NIPSNAP1: variants seen among roughly 807,000 people sequenced by gnomAD.
The protein encoded by NIPSNAP1 is nipsnap homolog 1.
NIPSNAP1 carries 25 observed loss-of-function variants against 49.2 expected under a neutral mutation model. The observed-to-expected ratio is 0.51, with a 90% CI of 0.37 to 0.71. The LOEUF is 0.71. NIPSNAP1 is among the 30% of genes least tolerant of loss of function. The pLI, the probability that NIPSNAP1 is intolerant of heterozygous loss-of-function variation, is 0.00. For synonymous variants in NIPSNAP1, 143 were observed against 140.7 expected (o/e 1.02, Z -0.12); for missense variants, 294 against 361.0 (o/e 0.81, Z 1.50).
intron 1 of NIPSNAP1, chr22:29,579,623 C>G (rs758890699): frequency 1.2e-5 from 2 of 165,580 alleles, no homozygotes; most frequent in African/African-American, 2.4e-5. Context: ...GAGACAGGAT[C>G]TCGCCGTGTT....
intron 1 of NIPSNAP1, among the ~76,000 whole-genome samples, chr22:29,572,965 G>C (rs1039782720): frequency 6.7e-6 from 1 of 149,462 alleles, no homozygotes; most frequent in Non-Finnish European, 1.5e-5. Flanking sequence ...GGGTGACAGA[G>C]ACCATGTCTC....
intron 1 of NIPSNAP1, among the ~76,000 whole-genome samples, chr22:29,575,149 G>C (rs1465906317): frequency 6.6e-6 from 1 of 152,228 alleles, no homozygotes; most frequent in Non-Finnish European, 1.5e-5. Context: ...GAGATGGGCA[G>C]TGAGGAGAGC....
chr22:29,570,325 C>T (rs1485965222), intron 2 of NIPSNAP1, 80 bp downstream of exon 2: 2 of 1,610,382 alleles, frequency 1.2e-6, no homozygotes, highest in African/African-American at 2.7e-5. Flanking sequence ...ATTCCAGACC[C>T]TCCCATCTCC....
At chr22:29,580,310 C>T (rs779917847) in intron 1 of NIPSNAP1, 3 of 975,824 alleles carry the variant, frequency 3.1e-6, no homozygotes, top group African/African-American at 1.8e-5. Context: ...TCAGGGAGGC[C>T]AAGCCCTAGC....
chr22:29,566,896 G>A (rs1164956795), intron 4 of NIPSNAP1, among the ~76,000 whole-genome samples: 1 of 152,080 alleles, frequency 6.6e-6, no homozygotes, highest in African/African-American at 2.4e-5. Flanking sequence ...GGCTCAGGCG[G>A]GAGGATCATG....
intron 1 of NIPSNAP1, among the ~76,000 whole-genome samples, chr22:29,571,168 A>G (rs1442402795): frequency 6.6e-6 from 1 of 152,138 alleles, no homozygotes; most frequent in Admixed American, 6.6e-5. Flanking sequence ...AGGAGCTCAT[A>G]GTCCACTAGG....
intron 1 of NIPSNAP1, among the ~76,000 whole-genome samples, chr22:29,571,934 TC>T (rs1353419357): frequency 1.3e-5 from 2 of 151,636 alleles, no homozygotes; most frequent in African/African-American, 4.8e-5. Context: ...TACCACCACA[TC>T]CAGGTAATTT....
chr22:29,570,309 G>A, intron 2 of NIPSNAP1, 96 bp downstream of exon 2: 2 of 1,603,946 alleles, frequency 1.2e-6, no homozygotes, highest in Non-Finnish European at 8.5e-7. Context: ...CAGGACAGCT[G>A]AGGACATTCC....
intron 1 of NIPSNAP1, chr22:29,579,723 C>G (rs912887579): frequency 4.7e-6 from 1 of 212,726 alleles, no homozygotes; most frequent in Admixed American, 4.8e-5. Flanking sequence ...CCACCATACC[C>G]GACCAACCAC....
In NIPSNAP1 at chr22:29,570,929, A is replaced by G. The variant is rs116604752; in HGVS notation, c.99-397T>C. ...CCAAAGCCCTTGACAACCCAACCTA[A>G]CTTGTCAGCCTCCCCTCCTGCCCCC... On this transcript the variant is annotated intron_variant, in intron 1 of 9. Transcript: ENST00000216121. 8.6e-3 allele frequency among the ~76,000 whole-genome samples: 1,299 copies of G among 151,360 alleles called. 15 individuals carry two copies. Among genetic ancestry groups the G allele is most frequent in the African/African-American group, 0.03 (1,250 of 41,288 alleles).
chr22:29,561,718 G>A (rs1287378323), intron 5 of NIPSNAP1, 72 bp from the exon 6 acceptor site: 2 of 1,613,408 alleles, frequency 1.2e-6, no homozygotes, highest in East Asian at 4.5e-5. Flanking sequence ...TCATGGGGTA[G>A]CAGAGTAGTC....
intron 1 of NIPSNAP1, among the ~76,000 whole-genome samples, chr22:29,575,011 G>C (rs976886789): frequency 2.6e-5 from 4 of 152,088 alleles, no homozygotes; most frequent in African/African-American, 9.7e-5. Context: ...GCCCAAGGCC[G>C]CACAGAAAAT....
At chr22:29,573,768 C>A (rs78086248) in intron 1 of NIPSNAP1, among the ~76,000 whole-genome samples, 11 of 125,140 alleles carry the variant, frequency 8.8e-5, no homozygotes, top group South Asian at 2.7e-4. Context: ...AACTCTGTCT[C>A]AAAAAAAAAA....
intron 1 of NIPSNAP1, among the ~76,000 whole-genome samples, chr22:29,575,122 G>A (rs2064441830): frequency 6.6e-6 from 1 of 152,174 alleles, no homozygotes; most frequent in Admixed American, 6.6e-5. Context: ...ATGTAGAGGG[G>A]CTGCTTCCCC....
chr22:29,580,980 C>G lies in NIPSNAP1; in HGVS notation c.98+5G>C. 2 of 1,529,672 alleles carry G rather than the reference C, an allele frequency of 1.3e-6. No homozygotes were observed. Among genetic ancestry groups the G allele is most frequent in the Non-Finnish European group, 1.7e-6 (2 of 1,143,720 alleles). The allele number at this position is 1,529,672 out of a possible 1,614,324, so 94.8% of individuals were successfully genotyped here. On this transcript the variant is annotated splice_donor_5th_base_variant and intron_variant, in intron 1 of 9. Transcript: ENST00000216121. ...GCGTCTATCCCTGCCTGGCCGGGCT[C>G]TCACCGCGCCGCAGCTGCAGACGCA...
At chr22:29,577,367 C>A (rs2064460803) in intron 1 of NIPSNAP1, among the ~76,000 whole-genome samples, 1 of 151,150 alleles carries the variant, frequency 6.6e-6, no homozygotes, top group Non-Finnish European at 1.5e-5. Context: ...ATTCTCCTGC[C>A]TCAGCCTCCG....
rs963074498 is a variant in NIPSNAP1, at chr22:29,577,606, G to A, written c.98+3379C>T. Reference sequence around the variant, plus strand: ...AACTAATTTTTGTATTTTTAGTAGAGACAGGGTTTCACCACGTTGGCCAGG... The same window carrying A: ...AACTAATTTTTGTATTTTTAGTAGAAACAGGGTTTCACCACGTTGGCCAGG... On this transcript the variant is annotated intron_variant, in intron 1 of 9. Transcript: ENST00000216121. 4.0e-5 allele frequency among the ~76,000 whole-genome samples: 6 copies of A among 151,280 alleles called. 2 individuals are homozygous for A. The highest frequency in any genetic ancestry group is 3.3e-4 in the Admixed American group (5 of 15,220).
intron 1 of NIPSNAP1, among the ~76,000 whole-genome samples, chr22:29,573,437 C>A (rs1225896052): frequency 6.6e-6 from 1 of 151,900 alleles, no homozygotes; most frequent in Non-Finnish European, 1.5e-5. Context: ...GCAGGCGGAT[C>A]ACTTGAGCTC....
At chr22:29,580,098 C>T in intron 1 of NIPSNAP1, 1 of 1,304,118 alleles carries the variant, frequency 7.7e-7, no homozygotes, top group Non-Finnish European at 1.0e-6. Flanking sequence ...GGTGGCCTCA[C>T]TTCTTTGGTA....
Sources: allele counts gnomAD v4.1 joint callset (sites outside exome capture counted in the v4.1 genomes callset), GRCh38; gene constraint gnomAD v4.1.1; transcripts MANE v1.5; gene names NCBI Gene and HGNC (gene_info 2026-07-23, HGNC 2026-07-21).